The following SLC8A1 variants were observed in gnomAD, a reference collection of about 807,000 sequenced individuals.
SLC8A1 encodes the protein solute carrier family 8 member A1, also known as sodium/calcium exchanger 1.
Under a neutral mutation model 68.3 loss-of-function variants are expected in SLC8A1, and 18 were observed. The observed-to-expected ratio is 0.26, with a 90% CI of 0.18 to 0.39. SLC8A1 has a LOEUF of 0.39. Among genes scored for constraint, SLC8A1 ranks in the 10% least tolerant of loss-of-function variants. SLC8A1 has a pLI of 1.00. For missense variants in SLC8A1, 985 were observed against 1,156.7 expected, an observed-to-expected ratio of 0.85 and a Z score of 2.15; for synonymous variants, 475 against 415.5, an observed-to-expected ratio of 1.14 and a Z score of -1.74.
intron 6 of SLC8A1, among the ~76,000 whole-genome samples, chr2:40,155,738 G>T (rs2044353617): frequency 1.3e-5 from 2 of 152,190 alleles, no homozygotes; most frequent in South Asian, 4.1e-4. Flanking sequence ...TGCATGGATG[G>T]ACTGATGACA....
intron 2 of SLC8A1, among the ~76,000 whole-genome samples, chr2:40,300,110 A>G (rs1451067421): frequency 1.3e-5 from 2 of 152,206 alleles, no homozygotes; most frequent in Admixed American, 6.5e-5. Context: ...TAAGTCTGCC[A>G]ACCCAGCCCT....
chr2:40,145,603 T>G (rs1251037701), intron 6 of SLC8A1, among the ~76,000 whole-genome samples: 1 of 152,208 alleles, frequency 6.6e-6, no homozygotes, highest in Non-Finnish European at 1.5e-5. Flanking sequence ...CATATTTCTG[T>G]TTCTCTTTTC....
intron 1 of SLC8A1, among the ~76,000 whole-genome samples, chr2:40,431,626 C>T (rs1353306820): frequency 1.3e-5 from 2 of 152,132 alleles, no homozygotes; most frequent in African/African-American, 4.8e-5. Context: ...GTCTCCCAGG[C>T]CTTGCAGGAT....
At position 40,300,558 on chromosome 2, in the gene SLC8A1, G is replaced by A. The variant is rs190268206; in HGVS notation, c.1809-122703C>T. Among the ~76,000 whole-genome samples the A allele has an allele frequency of 5.7e-4, 87 of 152,234 alleles. 1 individual carries two copies. Among genetic ancestry groups the A allele is most frequent in the African/African-American group, 2.1e-3 (86 of 41,548 alleles). The stretch of plus-strand genomic sequence containing the variant: ...GAAACAAGACATGCATGGTAAACTA[G>A]TTTCTTGAGCCCCACTGTGCCCTTC... On this transcript the variant is annotated intron_variant, in intron 2 of 7. Transcript: ENST00000406785.
At chr2:40,430,267 C>A (rs139897746) in exon 2 of SLC8A1, 3 of 1,610,366 alleles carry the variant, frequency 1.9e-6, no homozygotes, top group Non-Finnish European at 2.5e-6. Flanking sequence ...ACTTAATCGC[C>A]GCATGTTGTA....
At chr2:40,144,564 G>A (rs938244415) in intron 6 of SLC8A1, among the ~76,000 whole-genome samples, 3 of 151,760 alleles carry the variant, frequency 2.0e-5, no homozygotes, top group African/African-American at 7.3e-5. Context: ...TAGATACAGT[G>A]GTACCTTTTT....
At chr2:40,227,451 C>T (rs1161947730) in intron 2 of SLC8A1, among the ~76,000 whole-genome samples, 1 of 152,000 alleles carries the variant, frequency 6.6e-6, no homozygotes, top group Non-Finnish European at 1.5e-5. Context: ...TTATCCTTAG[C>T]AAACTGACAC....
chr2:40,144,701 G>A (rs1028671108), intron 6 of SLC8A1, among the ~76,000 whole-genome samples: 3 of 151,966 alleles, frequency 2.0e-5, no homozygotes, highest in Non-Finnish European at 4.4e-5. Context: ...TCAGACCCGT[G>A]GGGACCAAGA....
exon 8 of SLC8A1, chr2:40,115,189 C>T (rs1426451896): frequency 8.8e-7 from 1 of 1,139,698 alleles, no homozygotes; most frequent in Non-Finnish European, 1.2e-6. Context: ...TTCCTCTGTC[C>T]ATTATACATA....
At chr2:40,465,516 A>G (rs1703619055) in intron 1 of SLC8A1, among the ~76,000 whole-genome samples, 1 of 152,174 alleles carries the variant, frequency 6.6e-6, no homozygotes, top group South Asian at 2.1e-4. Flanking sequence ...GTAGTTCTAC[A>G]TAATGGAACA....
intron 6 of SLC8A1, among the ~76,000 whole-genome samples, chr2:40,153,227 G>T (rs535352905): frequency 6.6e-6 from 1 of 152,228 alleles, no homozygotes; most frequent in South Asian, 2.1e-4. Flanking sequence ...TTTTATTTAT[G>T]AGAATGAAGG....
At chr2:40,336,403 A>C (rs758560220) in intron 2 of SLC8A1, among the ~76,000 whole-genome samples, 1 of 152,360 alleles carries the variant, frequency 6.6e-6, no homozygotes, top group East Asian at 1.9e-4. Flanking sequence ...GCAATTCATC[A>C]TAATGTCCAC....
chr2:40,466,517 C>G (rs1703684148), intron 1 of SLC8A1, among the ~76,000 whole-genome samples: 1 of 152,160 alleles, frequency 6.6e-6, no homozygotes, highest in African/African-American at 2.4e-5. Flanking sequence ...AGTTTCAGTT[C>G]TGCTACTAAT....
intron 1 of SLC8A1, among the ~76,000 whole-genome samples, chr2:40,437,280 C>T (rs1699615798): frequency 2.0e-5 from 3 of 152,174 alleles, no homozygotes; most frequent in Middle Eastern, 3.2e-3. Flanking sequence ...ACCTGCCATG[C>T]TGCCCCTTCT....
intron 2 of SLC8A1, among the ~76,000 whole-genome samples, chr2:40,266,458 G>C (rs1256974023): frequency 6.6e-6 from 1 of 152,132 alleles, no homozygotes; most frequent in Non-Finnish European, 1.5e-5. Flanking sequence ...AAAGACCTTG[G>C]ATATCAAGGA....
chr2:40,447,060 T>C (rs895488858), intron 1 of SLC8A1, among the ~76,000 whole-genome samples: 3 of 152,220 alleles, frequency 2.0e-5, no homozygotes, highest in African/African-American at 7.2e-5. Flanking sequence ...TGCAATGATA[T>C]CAACAAAGTA....
chr2:40,433,044 G>A (rs1698679521), intron 1 of SLC8A1, among the ~76,000 whole-genome samples: 1 of 152,136 alleles, frequency 6.6e-6, no homozygotes, highest in Admixed American at 6.6e-5. Context: ...ATTCAAACCT[G>A]TGTCTGTCTC....
At chr2:40,329,060 TCA>T (rs70957170) in intron 2 of SLC8A1, among the ~76,000 whole-genome samples, 39,071 of 140,826 alleles carry the variant, frequency 0.28, 5,233 homozygotes, top group East Asian at 0.4. Context: ...CACTACAACC[TCA>T]CACACACACA....
intron 7 of SLC8A1, among the ~76,000 whole-genome samples, chr2:40,122,790 T>C (rs772487721): frequency 1.5e-4 from 23 of 152,192 alleles, no homozygotes; most frequent in Non-Finnish European, 4.4e-5. Flanking sequence ...CATAGATTTG[T>C]TTTTAGAGTA....
Sources: gnomAD v4.1 joint callset for allele counts (sites outside exome capture counted in the v4.1 genomes callset) on GRCh38, gnomAD v4.1.1 for gene constraint, MANE v1.5 for transcripts, NCBI Gene and HGNC (gene_info 2026-07-23, HGNC 2026-07-21) for gene names.